SLC22A25: variants seen among roughly 807,000 people sequenced by gnomAD.
The protein encoded by SLC22A25 is solute carrier family 22 member 25, also known as MGI:2442751, MGI:2385316, MGI:3042283, MGI:3645714, MGI:3605624, MGI:2442750.
A neutral mutation model predicts 45.9 loss-of-function variants in SLC22A25; 44 were observed. The ratio of observed to expected loss-of-function variants is 0.96; its 90% CI spans 0.75 to 1.23. SLC22A25 has a LOEUF of 1.23. SLC22A25 is among the 50% of genes most tolerant of loss of function. SLC22A25 has a pLI of 0.00. For missense variants in SLC22A25, 800 were observed against 666.4 expected (o/e 1.20, Z -2.21); for synonymous variants, 283 against 238.6 (o/e 1.19, Z -1.72).
chr11:63,215,090 C>T (rs4438038), intron 7 of SLC22A25, among the ~76,000 whole-genome samples: 7,195 of 152,020 alleles, frequency 0.047, 560 homozygotes, highest in African/African-American at 0.16. Flanking sequence ...GGGTATATAC[C>T]CAAAGGATTA....
At chr11:63,194,889 GCAAAAAAAAAAAAAA>G (rs2088952742) in intron 7 of SLC22A25, among the ~76,000 whole-genome samples, 1 of 14,288 alleles carries the variant, frequency 7.0e-5, no homozygotes, top group Non-Finnish European at 1.4e-4. Context: ...CAAATGGAAA[GCAAAAAAAAAAAAAA>G]AAAAAAAAAA....
chr11:63,230,872 T>A (rs2090054973), intron 3 of SLC22A25, among the ~76,000 whole-genome samples: 1 of 152,138 alleles, frequency 6.6e-6, no homozygotes, highest in Non-Finnish European at 1.5e-5. Context: ...CATTGTTCAA[T>A]TCCCACCTAT....
At chr11:63,187,644 C>A (rs925937103) in intron 7 of SLC22A25, among the ~76,000 whole-genome samples, 1 of 152,106 alleles carries the variant, frequency 6.6e-6, no homozygotes, top group Admixed American at 6.6e-5. Context: ...GGAATGCTTC[C>A]GGTTTTTGCC....
At chr11:63,223,478 T>C (rs927800761) in intron 5 of SLC22A25, among the ~76,000 whole-genome samples, 2 of 152,102 alleles carry the variant, frequency 1.3e-5, no homozygotes, top group African/African-American at 4.8e-5. Flanking sequence ...TGTCTCTTTT[T>C]TCCATCTCTG....
intron 9 of SLC22A25, among the ~76,000 whole-genome samples, chr11:63,177,816 T>C (rs1197891180): frequency 7.0e-6 from 1 of 141,882 alleles, no homozygotes; most frequent in Admixed American, 7.0e-5. Context: ...CAAATACATA[T>C]ATATAATGTA....
chr11:63,237,991 G>C lies in SLC22A25; in HGVS notation c.-555C>G, dbSNP rs2090191417. 1 of 152,348 alleles carries C rather than the reference G, an allele frequency of 6.6e-6. No individual in the cohort carries two copies. The highest frequency in any genetic ancestry group is 1.5e-5 in the Non-Finnish European group (1 of 68,050). The allele number at this position is 152,348 out of a possible 1,614,324, so 9.4% of individuals were successfully genotyped here. On this transcript the variant is annotated 5_prime_UTR_variant, in exon 3 of 12. It introduces an in-frame stop codon into an upstream open reading frame of the 5' UTR. Transcript: ENST00000306494. ...AATGTAGCCACTAAATTCAGTGACTGAGATCCACATACCAGGTCCCACTAG... is the reference window on the plus strand; with the variant it reads ...AATGTAGCCACTAAATTCAGTGACTCAGATCCACATACCAGGTCCCACTAG...
chr11:63,166,301 A>T (rs1565059231), intron 9 of SLC22A25, 43 bp from the exon 10 acceptor site: 4 of 1,603,288 alleles, frequency 2.5e-6, no homozygotes, highest in South Asian at 1.1e-5. Flanking sequence ...AATCTGTGGA[A>T]CCTAAATCCT....
At chr11:63,215,693 T>C (rs1407857064) in intron 7 of SLC22A25, among the ~76,000 whole-genome samples, 3 of 152,162 alleles carry the variant, frequency 2.0e-5, no homozygotes, top group Admixed American at 6.5e-5. Flanking sequence ...TTATGGAAGT[T>C]TGTTGTACAT....
Position 63,198,170 on chromosome 11 carries a change from T to C in SLC22A25, c.831-14353A>G, listed in dbSNP as rs144792636. Among the ~76,000 whole-genome samples, 1,338 of 152,302 alleles carry C rather than the reference T, an allele frequency of 8.8e-3. 9 individuals carry two copies. Among genetic ancestry groups the C allele is most frequent in the African/African-American group, 0.018 (769 of 41,568 alleles). ...CCATTGTGGAAGACAGTGTGGTGAT[T>C]CCTGAAGGATCTAGAACTAGAAATA... On this transcript the variant is annotated intron_variant, in intron 7 of 11. Coordinates refer to ENST00000306494, the MANE Select transcript of SLC22A25 (RefSeq NM_199352.6).
chr11:63,236,959 A>T (rs994149654), intron 3 of SLC22A25, among the ~76,000 whole-genome samples: 2 of 152,306 alleles, frequency 1.3e-5, no homozygotes, highest in East Asian at 1.9e-4. Flanking sequence ...ATTTTCAAAC[A>T]GGCTGAATTC....
At chr11:63,221,759 T>G (rs999707091) in intron 5 of SLC22A25, among the ~76,000 whole-genome samples, 1 of 152,186 alleles carries the variant, frequency 6.6e-6, no homozygotes, top group African/African-American at 2.4e-5. Context: ...TTTCATAGTT[T>G]GAGGTCTTAG....
At chr11:63,187,873 C>A (rs1471599546) in intron 7 of SLC22A25, among the ~76,000 whole-genome samples, 1 of 152,190 alleles carries the variant, frequency 6.6e-6, no homozygotes, top group African/African-American at 2.4e-5. Flanking sequence ...GTTGAACCAG[C>A]CTTGCATCCC....
intron 7 of SLC22A25, among the ~76,000 whole-genome samples, chr11:63,189,825 A>T (rs1190566837): frequency 6.6e-6 from 1 of 152,220 alleles, no homozygotes; most frequent in African/African-American, 2.4e-5. Context: ...GCTGGATATG[A>T]AATTCTGGGT....
chr11:63,217,261 T>C, intron 7 of SLC22A25, 53 bp downstream of exon 7: 1 of 1,580,380 alleles, frequency 6.3e-7, no homozygotes. Flanking sequence ...TCATTCCATG[T>C]ACATCTGCAT....
chr11:63,221,680 T>G (rs531233349), intron 5 of SLC22A25, among the ~76,000 whole-genome samples: 23 of 152,270 alleles, frequency 1.5e-4, no homozygotes, highest in Non-Finnish European at 2.9e-4. Context: ...GTGCTTGTTG[T>G]GTATTACTGA....
chr11:63,193,418 C>A (rs372248035), intron 7 of SLC22A25, among the ~76,000 whole-genome samples: 1 of 152,302 alleles, frequency 6.6e-6, no homozygotes, highest in Middle Eastern at 3.4e-3. Context: ...CAACTGGGTG[C>A]CCCCCTGAGA....
At chr11:63,228,281 C>T (rs923192028) in intron 5 of SLC22A25, among the ~76,000 whole-genome samples, 180 bp downstream of exon 5, 1 of 152,200 alleles carries the variant, frequency 6.6e-6, no homozygotes, top group African/African-American at 2.4e-5. Flanking sequence ...GTGCACAGCA[C>T]ACACATTTTA....
intron 9 of SLC22A25, 60 bp from the exon 10 acceptor site, chr11:63,166,318 G>T: frequency 6.3e-7 from 1 of 1,582,532 alleles, no homozygotes; most frequent in South Asian, 1.1e-5. Flanking sequence ...TCCTACAAAT[G>T]AGAATAATAT....
intron 5 of SLC22A25, among the ~76,000 whole-genome samples, chr11:63,225,751 G>T (rs2089948682): frequency 1.3e-5 from 2 of 152,072 alleles, no homozygotes; most frequent in Non-Finnish European, 2.9e-5. Flanking sequence ...CTTCTCGAAG[G>T]CCAATAACCC....
Sources: allele counts gnomAD v4.1 joint callset (sites outside exome capture counted in the v4.1 genomes callset), GRCh38; gene constraint gnomAD v4.1.1; transcripts MANE v1.5; gene names NCBI Gene and HGNC (gene_info 2026-07-23, HGNC 2026-07-21).